The following ABCB4 variants were observed in gnomAD, a reference collection of about 807,000 sequenced individuals.
ABCB4 encodes ATP binding cassette subfamily B member 4.
In ABCB4, 76 loss-of-function variants were observed where a neutral mutation model predicts 145.7. That is an observed-to-expected ratio of 0.52 (90% confidence interval 0.43 to 0.63). The LOEUF (loss-of-function observed/expected upper bound fraction) is 0.63, where lower values mean the gene tolerates loss of function less well. Ranked by LOEUF, ABCB4 falls within the 30% of genes least tolerant of loss-of-function variation. ABCB4 has a pLI of 0.00. For synonymous variants in ABCB4, 517 were observed against 566.8 expected, an observed-to-expected ratio of 0.91 and a Z score of 1.25; for missense variants, 1,234 against 1,553.1, an observed-to-expected ratio of 0.79 and a Z score of 3.45.
At chr7:87,463,070 A>T (rs557442670) in intron 3 of ABCB4, among the ~76,000 whole-genome samples, 162 bp from the exon 4 acceptor site, 1 of 152,198 alleles carries the variant, frequency 6.6e-6, no homozygotes, top group East Asian at 1.9e-4. Flanking sequence ...ACTTAATTTC[A>T]TGATTCTGTT....
intron 4 of ABCB4, among the ~76,000 whole-genome samples, chr7:87,458,421 T>C (rs1260737099): frequency 1.3e-5 from 2 of 152,144 alleles, no homozygotes; most frequent in Non-Finnish European, 2.9e-5. Flanking sequence ...ATATGAACCT[T>C]TTTTTCTTCT....
At chr7:87,402,739 C>T (rs568484241) in intron 27 of ABCB4, among the ~76,000 whole-genome samples, 3 of 152,276 alleles carry the variant, frequency 2.0e-5, no homozygotes, top group South Asian at 4.1e-4. Flanking sequence ...AGGTGGCTCA[C>T]GCCTGTAATC....
In ABCB4 at chr7:87,444,992, G is replaced by C; in HGVS notation, c.1006-17C>G. The C allele has an allele frequency of 6.5e-7, 1 of 1,539,958 alleles. No individual in the cohort carries two copies. On this transcript the variant is annotated splice_polypyrimidine_tract_variant and intron_variant, in intron 9 of 27. Coordinates refer to ENST00000649586, the MANE Select transcript of ABCB4 (RefSeq NM_000443.4). ...AAAAAAAACCTGAGCAAAATAACAT[G>C]AGGAAAAGTTTAAGTCACATTCTGG...
intron 3 of ABCB4, among the ~76,000 whole-genome samples, chr7:87,465,732 C>T (rs998037200): frequency 5.3e-5 from 8 of 152,166 alleles, no homozygotes; most frequent in Non-Finnish European, 8.8e-5. Context: ...CAGCAACATT[C>T]GCTGTTCATC....
chr7:87,392,647 A>G, the ABCB4 span: 4 of 1,612,220 alleles, frequency 2.5e-6, no homozygotes, highest in Non-Finnish European at 3.4e-6. Flanking sequence ...TGGAAAAGGT[A>G]CTTAAGTTAA....
At chr7:87,371,552 A>G in the ABCB4 span, among the ~76,000 whole-genome samples, 4 of 152,232 alleles carry the variant, frequency 2.6e-5, no homozygotes, top group African/African-American at 9.6e-5. Flanking sequence ...TAGAAGTGAA[A>G]TGTTCACATC....
chr7:87,408,384 C>A, intron 24 of ABCB4, 150 bp from the exon 25 acceptor site: 2 of 848,032 alleles, frequency 2.4e-6, no homozygotes, highest in South Asian at 1.6e-5. Flanking sequence ...ATATTGATAG[C>A]AAGTTATTAT....
At chr7:87,445,024 T>C in intron 9 of ABCB4, 49 bp from the exon 10 acceptor site, 3 of 1,227,334 alleles carry the variant, frequency 2.4e-6, no homozygotes, top group Non-Finnish European at 3.5e-6. Flanking sequence ...CTGGCATTCA[T>C]TATTATCTAA....
At chr7:87,417,652 C>T in intron 20 of ABCB4, 137 bp from the exon 21 acceptor site, 1 of 739,816 alleles carries the variant, frequency 1.4e-6, no homozygotes, top group South Asian at 1.5e-5. Context: ...AATAAACCCA[C>T]AACACCTGTG....
intron 19 of ABCB4, 58 bp downstream of exon 19, chr7:87,419,940 A>G: frequency 6.5e-7 from 1 of 1,538,478 alleles, no homozygotes; most frequent in East Asian, 2.2e-5. Context: ...AACAGTAAGA[A>G]GCTTAATATG....
In ABCB4 at chr7:87,402,119, G is replaced by A. The variant is rs772010541; in HGVS notation, c.3817C>T (p.Gln1273Ter). 3 of 1,614,060 alleles carry A rather than the reference G, an allele frequency of 1.9e-6. No homozygotes were observed. The highest frequency in any genetic ancestry group is 1.1e-5 in the South Asian group (1 of 91,076). Residue 1273 changes from glutamine to a stop codon, truncating the protein, a stop_gained, in exon 28 of 28, where the codon CAG (glutamine) becomes TAG (stop). Coordinates refer to ENST00000649586, the MANE Select transcript of ABCB4 (RefSeq NM_000443.4). LOFTEE classifies it high-confidence loss of function. ...GTTCATAAGTTCTGTGTCCCAGCCT[G>A]GACACTGACCATTGAAAAATAGATG... Reference protein sequence around the residue: ...KGIYFSMVSVQAGTQNL With the variant: ...KGIYFSMVSV
chr7:87,382,583 C>A, the ABCB4 span: 1 of 1,568,956 alleles, frequency 6.4e-7, no homozygotes, highest in South Asian at 1.2e-5. Context: ...GTCTTGAAGT[C>A]CAAGGGTATA....
At chr7:87,378,824 G>T in the ABCB4 span, among the ~76,000 whole-genome samples, 11 of 152,252 alleles carry the variant, frequency 7.2e-5, no homozygotes, top group Admixed American at 5.2e-4. Context: ...ACTACAAAGT[G>T]GTGCTTGGTT....
At chr7:87,397,350 C>CAA (rs11429478), downstream of ABCB4, among the ~76,000 whole-genome samples, 365 of 146,098 alleles carry the variant, frequency 2.5e-3, 2 homozygotes, top group East Asian at 0.026. Context: ...GACTCTTTCT[C>CAA]AAAAAAAAAA....
chr7:87,411,914 A>G lies in ABCB4; in HGVS notation c.2903T>C (p.Met968Thr), dbSNP rs1302208239. 6 of 1,613,830 alleles carry G rather than the reference A, an allele frequency of 3.7e-6. No individual in the cohort carries two copies. The South Asian group carries it at 5.5e-5, about 15-fold the overall frequency. Residue 968 changes from methionine to threonine, a missense_variant, in exon 23 of 28, where the codon ATG becomes ACG. By Grantham distance (81) the Met-to-Thr change is moderately conservative. Around this residue, in one of 7 missense-constraint regions of ABCB4, gnomAD observed 301 missense variants for 389.0 expected, o/e 0.77. Transcript: ENST00000649586. ...FGAYLIVNGH[M>T]RFRDVILVFS... is the part of the protein sequence containing the mutation. Reference sequence around the variant, plus strand: ...TTACAGAATAACATCTCTGAAGCGCATATGTCCATTCACAATGAGATATGC... The same window carrying G: ...TTACAGAATAACATCTCTGAAGCGCGTATGTCCATTCACAATGAGATATGC...
the ABCB4 span, chr7:87,377,386 G>T: frequency 1.9e-6 from 3 of 1,611,350 alleles, no homozygotes; most frequent in Non-Finnish European, 2.5e-6. Flanking sequence ...CCAACAGTAC[G>T]CTGGGGTGAC....
At chr7:87,404,655 A>T (rs1218027491) in intron 26 of ABCB4, among the ~76,000 whole-genome samples, 1 of 152,188 alleles carries the variant, frequency 6.6e-6, no homozygotes, top group Non-Finnish European at 1.5e-5. Flanking sequence ...AACAAAAAAA[A>T]CTTCTGAAAA....
intron 17 of ABCB4, among the ~76,000 whole-genome samples, chr7:87,422,651 T>G (rs557517472): frequency 1.3e-5 from 2 of 152,316 alleles, no homozygotes; most frequent in African/African-American, 4.8e-5. Flanking sequence ...TCTTCCTATA[T>G]GTCCCTTGCT....
At chr7:87,381,785 G>A in the ABCB4 span, 1 of 598,018 alleles carries the variant, frequency 1.7e-6, no homozygotes, top group Non-Finnish European at 2.9e-6. Context: ...TCCTCAAGAG[G>A]TGAGGCATTT....
Sources: gnomAD v4.1 joint callset for allele counts (sites outside exome capture counted in the v4.1 genomes callset) on GRCh38, gnomAD v4.1.1 for gene constraint, gnomAD v4.1.1 regional missense constraint, MANE v1.5 for transcripts, NCBI Gene and HGNC (gene_info 2026-07-23, HGNC 2026-07-21) for gene names.